The following PRMT7 variants were observed in gnomAD, a reference collection of about 807,000 sequenced individuals.
PRMT7 encodes the protein protein arginine methyltransferase 7, also known as protein arginine N-methyltransferase 7.
A neutral mutation model predicts 85.4 loss-of-function variants in PRMT7; 75 were observed. The ratio of observed to expected loss-of-function variants is 0.88; its 90% CI spans 0.73 to 1.06. PRMT7 has a LOEUF of 1.06. Ranked by LOEUF, PRMT7 falls within the 50% of genes least tolerant of loss-of-function variation. The pLI, the probability that PRMT7 is intolerant of heterozygous loss-of-function variation, is 0.00. For synonymous variants in PRMT7, 397 were observed against 359.5 expected, an observed-to-expected ratio of 1.10 and a Z score of -1.18; for missense variants, 868 against 915.2, an observed-to-expected ratio of 0.95 and a Z score of 0.67.
intron 3 of PRMT7, among the ~76,000 whole-genome samples, chr16:68,318,231 G>C (rs960935048): frequency 2.1e-5 from 3 of 141,600 alleles, no homozygotes; most frequent in African/African-American, 5.3e-5. Context: ...ACAGAGTCTC[G>C]CTCTGTTTCC....
chr16:68,345,736 G>C lies in PRMT7; in HGVS notation c.989G>C (p.Gly330Ala), dbSNP rs747894195. ...FLPQEEPVVQ[G>A]SALYLVAHHD... ...CCACAAGAGGAGCCTGTGGTGCAGG[G>C]CTCAGCGCTCTATCTGGTAGCCCAC... is the stretch of plus-strand genomic sequence containing the variant. The change falls in exon 10 of 19, where the codon GGC (glycine) becomes GCC (alanine). Residue 330 changes from glycine (G) to alanine (A), a missense_variant. Transcript: ENST00000441236. 6.2e-7 allele frequency: 1 copy of C among 1,614,146 alleles called. No individual in the cohort carries two copies. The highest frequency in any genetic ancestry group is 1.7e-5 in the Admixed American group (1 of 60,026).
intron 6 of PRMT7, among the ~76,000 whole-genome samples, chr16:68,332,376 G>T (rs561569370): frequency 1.3e-5 from 2 of 152,120 alleles, no homozygotes; most frequent in African/African-American, 4.8e-5. Flanking sequence ...CCTTGGTCTC[G>T]AGTGTGTAAA....
chr16:68,337,575 G>C lies in PRMT7; in HGVS notation c.504+4G>C, dbSNP rs750730417. 2 of 1,590,926 alleles carry C rather than the reference G, an allele frequency of 1.3e-6. No individual in the cohort carries two copies. Reference sequence around the variant, plus strand: ...CGCACACAGGCATCTCGTGGAGGTAGTAGACGGAGGGCTCCCTCAGACGTG... The same window carrying C: ...CGCACACAGGCATCTCGTGGAGGTACTAGACGGAGGGCTCCCTCAGACGTG... On this transcript the variant is annotated splice_donor_region_variant and intron_variant, in intron 7 of 18. Transcript: ENST00000441236.
intron 12 of PRMT7, 80 bp downstream of exon 12, chr16:68,347,374 T>C: frequency 1.4e-6 from 2 of 1,383,758 alleles, no homozygotes; most frequent in Non-Finnish European, 2.0e-6. Flanking sequence ...CACAATTCTG[T>C]GATCAAGGCT....
intron 3 of PRMT7, among the ~76,000 whole-genome samples, chr16:68,318,479 G>T (rs751051189): frequency 6.6e-6 from 1 of 152,168 alleles, no homozygotes; most frequent in Non-Finnish European, 1.5e-5. Flanking sequence ...GATTACAGGC[G>T]TGAGCCACTG....
At chr16:68,323,013 G>A (rs1010955035) in intron 4 of PRMT7, among the ~76,000 whole-genome samples, 3 of 151,710 alleles carry the variant, frequency 2.0e-5, no homozygotes, top group African/African-American at 4.8e-5. Context: ...CAGCCTGGGC[G>A]ACAGGGAGAC....
chr16:68,337,711 C>A, intron 7 of PRMT7, 140 bp downstream of exon 7: 1 of 432,614 alleles, frequency 2.3e-6, no homozygotes, highest in Non-Finnish European at 4.0e-6. Context: ...CCTGGGGGGG[C>A]TCTGGTTCTC....
chr16:68,340,517 G>A (rs772628604), intron 9 of PRMT7, among the ~76,000 whole-genome samples: 2 of 151,932 alleles, frequency 1.3e-5, no homozygotes, highest in Non-Finnish European at 2.9e-5. Context: ...GGAAGTTGAG[G>A]CTGCAGTGAG....
At chr16:68,315,236 C>T (rs1484751245) in intron 2 of PRMT7, 1 of 152,204 alleles carries the variant, frequency 6.6e-6, no homozygotes, top group African/African-American at 2.4e-5. Flanking sequence ...CCATCTCTTT[C>T]CCTTCTCTTT....
At chr16:68,316,766 C>CA (rs1377140791) in intron 3 of PRMT7, 13 of 149,894 alleles carry the variant, frequency 8.7e-5, no homozygotes, top group South Asian at 2.1e-4. Flanking sequence ...AACTCTGTCT[C>CA]AAAAAAAAAG....
chr16:68,314,842 C>A (rs985291818), intron 2 of PRMT7, among the ~76,000 whole-genome samples: 9 of 152,076 alleles, frequency 5.9e-5, no homozygotes, highest in Admixed American at 6.6e-5. Flanking sequence ...GGAGACAGGC[C>A]ATACAAGACG....
chr16:68,312,830 T>G (rs574305449), intron 2 of PRMT7, among the ~76,000 whole-genome samples: 81 of 152,166 alleles, frequency 5.3e-4, no homozygotes, highest in Admixed American at 1.3e-3. Context: ...GTTCCAGGTT[T>G]GTTTGTTTGT....
chr16:68,320,092 G>A (rs1037245278), intron 3 of PRMT7, among the ~76,000 whole-genome samples: 3 of 152,090 alleles, frequency 2.0e-5, no homozygotes, highest in Admixed American at 1.3e-4. Context: ...CCCTAATACC[G>A]CATCAGTGGT....
At chr16:68,356,554 T>G in intron 17 of PRMT7, 147 bp from the exon 18 acceptor site, 2 of 642,828 alleles carry the variant, frequency 3.1e-6, no homozygotes, top group Non-Finnish European at 5.5e-6. Context: ...CTGAGGAACG[T>G]TTATGTAACT....
At chr16:68,356,285 C>T (rs1309876035) in intron 17 of PRMT7, among the ~76,000 whole-genome samples, 4 of 152,256 alleles carry the variant, frequency 2.6e-5, no homozygotes, top group Admixed American at 2.6e-4. Flanking sequence ...CTCACCCCAC[C>T]CTCGCCCGAG....
chr16:68,315,362 T>C (rs544452550), intron 2 of PRMT7: 9 of 153,828 alleles, frequency 5.9e-5, no homozygotes, highest in Non-Finnish European at 1.2e-4. Flanking sequence ...TTGCATGTGT[T>C]GTGTGATTTG....
rs1475849010 is a variant in PRMT7 at position 68,343,082 on chromosome 16, C to T, written c.928-2593C>T. On this transcript the variant is annotated intron_variant, in intron 9 of 18. Transcript: ENST00000441236. Reference sequence around the variant, plus strand: ...AATTAGCCGGGCATGGTGGCAGGCGCCTGTAATCCCAGCTACAGGGCTGAG... The same window carrying T: ...AATTAGCCGGGCATGGTGGCAGGCGTCTGTAATCCCAGCTACAGGGCTGAG... Among the ~76,000 whole-genome samples, 2 of 152,064 alleles carry T rather than the reference C, an allele frequency of 1.3e-5. 1 individual carries two copies. The highest frequency in any genetic ancestry group is 1.3e-4 in the Admixed American group (2 of 15,268).
intron 9 of PRMT7, among the ~76,000 whole-genome samples, chr16:68,343,260 AT>A (rs1240475544): frequency 2.6e-5 from 4 of 151,994 alleles, no homozygotes; most frequent in Non-Finnish European, 4.4e-5. Context: ...GCTACTATGT[AT>A]TTTTTCTCCT....
chr16:68,343,333 C>T (rs902533080), intron 9 of PRMT7, among the ~76,000 whole-genome samples: 1 of 152,186 alleles, frequency 6.6e-6, no homozygotes, highest in African/African-American at 2.4e-5. Context: ...ACTCAGCAGG[C>T]TCCAGGGATT....
Sources: allele counts gnomAD v4.1 joint callset (sites outside exome capture counted in the v4.1 genomes callset), GRCh38; gene constraint gnomAD v4.1.1; transcripts MANE v1.5; gene names NCBI Gene and HGNC (gene_info 2026-07-23, HGNC 2026-07-21).